The following DIPK1A variants were observed in gnomAD, a reference collection of about 807,000 sequenced individuals.
The protein encoded by DIPK1A is family with sequence similarity 69 member A.
Under a neutral mutation model 40.8 loss-of-function variants are expected in DIPK1A, and 27 were observed. The ratio of observed to expected loss-of-function variants is 0.66; its 90% CI spans 0.49 to 0.91. DIPK1A has a LOEUF of 0.91. Among genes scored for constraint, DIPK1A ranks in the 40% least tolerant of loss-of-function variants. The pLI is 0.00. For missense variants in DIPK1A, 412 were observed against 505.7 expected (o/e 0.81, Z 1.78); for synonymous variants, 166 against 171.3 (o/e 0.97, Z 0.24).
chr1:92,891,250 T>C (rs1248166715), intron 1 of DIPK1A, among the ~76,000 whole-genome samples: 1 of 152,064 alleles, frequency 6.6e-6, no homozygotes, highest in Non-Finnish European at 1.5e-5. Flanking sequence ...CCAATTTTGT[T>C]TGTCTTTTTG....
At chr1:92,899,573 CG>C (rs777994679) in intron 1 of DIPK1A, among the ~76,000 whole-genome samples, 9 of 152,118 alleles carry the variant, frequency 5.9e-5, no homozygotes, top group Non-Finnish European at 1.0e-4. Flanking sequence ...GGGGAAAACT[CG>C]CTTCTTCATT....
chr1:92,863,571 CAAAAA>C (rs10650458), intron 2 of DIPK1A, among the ~76,000 whole-genome samples: 3 of 101,090 alleles, frequency 3.0e-5, no homozygotes, highest in Non-Finnish European at 5.5e-5. Context: ...CTGTCTCTAC[CAAAAA>C]AAAAAAAAAA....
At chr1:92,950,179 A>C (rs1651569358) in intron 1 of DIPK1A, among the ~76,000 whole-genome samples, 1 of 152,206 alleles carries the variant, frequency 6.6e-6, no homozygotes, top group Non-Finnish European at 1.5e-5. Context: ...AAAAAAAGAC[A>C]ATAAACCAGA....
intron 2 of DIPK1A, among the ~76,000 whole-genome samples, chr1:92,861,960 T>G (rs1335578295): frequency 6.6e-6 from 1 of 152,090 alleles, no homozygotes; most frequent in East Asian, 1.9e-4. Context: ...TTGTATTTTT[T>G]GTAGAGACGA....
At chr1:92,897,048 CTG>C (rs993486722) in intron 1 of DIPK1A, among the ~76,000 whole-genome samples, 1 of 151,814 alleles carries the variant, frequency 6.6e-6, no homozygotes, top group African/African-American at 2.4e-5. Flanking sequence ...CACTTTTACA[CTG>C]TTGGTGGGAC....
Position 92,842,325 on chromosome 1 carries a change from C to A in DIPK1A, c.*1058G>T. The A allele has an allele frequency of 1.0e-6, 1 of 985,884 alleles. No individual in the cohort carries two copies. Among genetic ancestry groups the A allele is most frequent in the Non-Finnish European group, 1.2e-6 (1 of 830,330 alleles). The allele number at this position is 985,884 out of a possible 1,614,324, so 61.1% of individuals were successfully genotyped here. On this transcript the variant is annotated 3_prime_UTR_variant, in exon 5 of 5. Coordinates refer to ENST00000370310, the MANE Select transcript of DIPK1A (RefSeq NM_001006605.5). ...TTTAACATGTTCCACTTTAGGTAGG[C>A]GAAACCTTTGAGCAGAAAATAGTGG...
intron 1 of DIPK1A, among the ~76,000 whole-genome samples, chr1:92,889,649 T>A (rs1022235828): frequency 6.6e-6 from 1 of 152,146 alleles, no homozygotes; most frequent in Non-Finnish European, 1.5e-5. Flanking sequence ...CTTTCCTTTT[T>A]TTTTTTAAAT....
intron 1 of DIPK1A, among the ~76,000 whole-genome samples, chr1:92,955,509 T>G (rs1651815122): frequency 6.7e-6 from 1 of 150,174 alleles, no homozygotes; most frequent in South Asian, 2.1e-4. Context: ...CCATCCTGGC[T>G]AACACAGTGA....
chr1:92,912,366 C>T (rs1649864524), intron 1 of DIPK1A, among the ~76,000 whole-genome samples: 1 of 151,954 alleles, frequency 6.6e-6, no homozygotes, highest in African/African-American at 2.4e-5. Flanking sequence ...TGATTCATAA[C>T]TTACAAATAT....
chr1:92,899,733 TTTTTAC>T (rs1649331968), intron 1 of DIPK1A, among the ~76,000 whole-genome samples: 1 of 152,194 alleles, frequency 6.6e-6, no homozygotes, highest in South Asian at 2.1e-4. Flanking sequence ...CTCTACAAGT[TTTTTAC>T]TTTTGAGTGT....
chr1:92,948,679 ATG>A (rs1217564130), intron 1 of DIPK1A, among the ~76,000 whole-genome samples: 1 of 77,350 alleles, frequency 1.3e-5, no homozygotes, highest in Non-Finnish European at 3.2e-5. Flanking sequence ...GTATATATAC[ATG>A]TATATGTATA....
chr1:92,890,372 GTGGGC>G (rs1648807482), intron 1 of DIPK1A, among the ~76,000 whole-genome samples: 3 of 152,208 alleles, frequency 2.0e-5, no homozygotes, highest in Non-Finnish European at 2.9e-5. Flanking sequence ...AGTGGTGAAA[GTGGGC>G]ATCCTGGTCT....
chr1:92,834,679 C>T (rs1687046557), intron 4 of DIPK1A: 2 of 1,455,894 alleles, frequency 1.4e-6, no homozygotes, highest in African/African-American at 2.8e-5. Flanking sequence ...TGATGTTCAT[C>T]TGTGTCCATC....
At chr1:92,864,173 T>G (rs1020880020) in intron 2 of DIPK1A, among the ~76,000 whole-genome samples, 7 of 152,222 alleles carry the variant, frequency 4.6e-5, no homozygotes, top group African/African-American at 1.7e-4. Flanking sequence ...CTTTTCAAGT[T>G]AAATAATAAT....
intron 1 of DIPK1A, among the ~76,000 whole-genome samples, chr1:92,902,033 C>T (rs1649433799): frequency 6.6e-6 from 1 of 152,080 alleles, no homozygotes; most frequent in African/African-American, 2.4e-5. Flanking sequence ...CTCAGATTGG[C>T]TGGTGGGGGA....
chr1:92,836,573 AGAGTCTG>A, intron 4 of DIPK1A: 1 of 628,858 alleles, frequency 1.6e-6, no homozygotes, highest in East Asian at 2.9e-5. Flanking sequence ...TTATAAATTA[AGAGTCTG>A]AGGCCCAGAG....
At chr1:92,909,501 T>C (rs543817162) in intron 1 of DIPK1A, among the ~76,000 whole-genome samples, 6 of 152,306 alleles carry the variant, frequency 3.9e-5, no homozygotes, top group African/African-American at 1.4e-4. Context: ...GAGATGTACT[T>C]GTTCTCCTGT....
chr1:92,956,739 G>A (rs1409881344), intron 1 of DIPK1A, among the ~76,000 whole-genome samples: 1 of 152,114 alleles, frequency 6.6e-6, no homozygotes, highest in South Asian at 2.1e-4. Context: ...GTACTAATAC[G>A]AGCCAAAGTG....
At chr1:92,921,617 A>C (rs998023381) in intron 1 of DIPK1A, among the ~76,000 whole-genome samples, 1 of 152,190 alleles carries the variant, frequency 6.6e-6, no homozygotes, top group Non-Finnish European at 1.5e-5. Flanking sequence ...CTTGGGCAGG[A>C]CATCTCTGGA....
Sources: allele counts gnomAD v4.1 joint callset (sites outside exome capture counted in the v4.1 genomes callset), GRCh38; gene constraint gnomAD v4.1.1; transcripts MANE v1.5; gene names NCBI Gene and HGNC (gene_info 2026-07-23, HGNC 2026-07-21).